PLCL2: variants seen among roughly 807,000 people sequenced by gnomAD.
PLCL2 encodes phospholipase C like 2.
Under a neutral mutation model 79.6 loss-of-function variants are expected in PLCL2, and 4 were observed. The observed-to-expected ratio is 0.05, with a 90% CI of 0.02 to 0.11. The LOEUF (loss-of-function observed/expected upper bound fraction) is 0.11. PLCL2 is among the 10% of genes least tolerant of loss of function. The pLI, the probability that PLCL2 is intolerant of heterozygous loss-of-function variation, is 1.00. For synonymous variants in PLCL2, 484 were observed against 457.7 expected, an observed-to-expected ratio of 1.06 and a Z score of -0.73; for missense variants, 895 against 1,291.0, an observed-to-expected ratio of 0.69 and a Z score of 4.70.
intron 1 of PLCL2, among the ~76,000 whole-genome samples, chr3:16,990,822 A>G (rs1225489287): frequency 1.3e-5 from 2 of 152,224 alleles, no homozygotes; most frequent in African/African-American, 2.4e-5. Flanking sequence ...TGGAAAAAGA[A>G]CATTTAAAAT....
At chr3:17,034,631 T>A (rs997140030) in intron 3 of PLCL2, among the ~76,000 whole-genome samples, 1 of 152,204 alleles carries the variant, frequency 6.6e-6, no homozygotes, top group Non-Finnish European at 1.5e-5. Flanking sequence ...TAAATGTATG[T>A]ATAGTTCACA....
intron 1 of PLCL2, among the ~76,000 whole-genome samples, chr3:16,973,932 T>G (rs2063898600): frequency 2.0e-5 from 3 of 152,124 alleles, no homozygotes; most frequent in Admixed American, 2.0e-4. Flanking sequence ...TGAGAACATA[T>G]AGTAGGAGAG....
At chr3:17,036,587 C>T (rs1300506900) in intron 3 of PLCL2, among the ~76,000 whole-genome samples, 2 of 152,154 alleles carry the variant, frequency 1.3e-5, no homozygotes, top group Non-Finnish European at 2.9e-5. Context: ...GAAAAAAGCA[C>T]CAAAGCTTAC....
chr3:17,026,642 G>A (rs1034304668), intron 3 of PLCL2, among the ~76,000 whole-genome samples: 1 of 152,180 alleles, frequency 6.6e-6, no homozygotes, highest in African/African-American at 2.4e-5. Context: ...TTGGGAGGCC[G>A]AGGCAGACTT....
chr3:16,979,664 C>A (rs180733373), intron 1 of PLCL2, among the ~76,000 whole-genome samples: 4 of 141,214 alleles, frequency 2.8e-5, no homozygotes, highest in Admixed American at 2.8e-4. Flanking sequence ...GTAAGGTCAC[C>A]GATCAACAGG....
At position 16,936,376 on chromosome 3, in the gene PLCL2, T is replaced by C. The variant is rs145998818; in HGVS notation, c.327+51010T>C. On this transcript the variant is annotated intron_variant, in intron 1 of 5. Coordinates refer to ENST00000615277, the MANE Select transcript of PLCL2 (RefSeq NM_001144382.2). ...CCACATTAGCATGACCATGGGCTCCTTATCGAAGCCCTGGTTCCCAGTAAG... is the reference window on the plus strand; with the variant it reads ...CCACATTAGCATGACCATGGGCTCCCTATCGAAGCCCTGGTTCCCAGTAAG... Among the ~76,000 whole-genome samples, 116 of 152,346 alleles carry C rather than the reference T, an allele frequency of 7.6e-4. 1 individual carries two copies. In the East Asian group the frequency reaches 0.018, roughly 24 times the overall value.
chr3:16,947,802 G>T (rs1246190877), intron 1 of PLCL2, among the ~76,000 whole-genome samples: 1 of 152,104 alleles, frequency 6.6e-6, no homozygotes, highest in Non-Finnish European at 1.5e-5. Flanking sequence ...ATTGCTGGTT[G>T]AGAGTATTTC....
chr3:16,909,719 G>A (rs1260031045), intron 1 of PLCL2, among the ~76,000 whole-genome samples: 1 of 152,072 alleles, frequency 6.6e-6, no homozygotes, highest in Non-Finnish European at 1.5e-5. Context: ...TTTCTGTTCA[G>A]CAAAAGCCAG....
At chr3:17,065,352 A>G (rs188211954) in intron 4 of PLCL2, among the ~76,000 whole-genome samples, 116 of 152,198 alleles carry the variant, frequency 7.6e-4, no homozygotes, top group African/African-American at 2.4e-3. Flanking sequence ...CAAGTCCCCA[A>G]TCCTTCTCAA....
chr3:16,890,845 T>C (rs1696329612), intron 1 of PLCL2, among the ~76,000 whole-genome samples: 1 of 152,242 alleles, frequency 6.6e-6, no homozygotes, highest in South Asian at 2.1e-4. Flanking sequence ...CCAGCCACTA[T>C]TCTTTGTATC....
chr3:17,088,261 T>G (rs2065240527), intron 5 of PLCL2, among the ~76,000 whole-genome samples: 1 of 152,154 alleles, frequency 6.6e-6, no homozygotes, highest in African/African-American at 2.4e-5. Context: ...CATTGCTCTC[T>G]GCAGCTGGCC....
In PLCL2 at chr3:16,886,315, T is replaced by C. The variant is rs1404931862; in HGVS notation, c.327+949T>C. 6.6e-6 allele frequency among the ~76,000 whole-genome samples: 1 copy of C among 152,160 alleles called. No homozygotes were observed. Among genetic ancestry groups the C allele is most frequent in the African/African-American group, 2.4e-5 (1 of 41,432 alleles). ...AAATGAAAACATTGCTTTCTGAAAA[T>C]CAAGGAGTTATCAGGACAGGGAGCA... On this transcript the variant is annotated intron_variant, in intron 1 of 5. Transcript: ENST00000615277. This position sits in a 1 kb window ranked among gnomAD's most constrained non-coding sequence, Gnocchi z 4.2.
intron 1 of PLCL2, among the ~76,000 whole-genome samples, chr3:16,928,723 G>A (rs1390601160): frequency 1.3e-5 from 2 of 152,196 alleles, no homozygotes; most frequent in East Asian, 1.9e-4. Context: ...TAATTGTAAA[G>A]CCTACTTCAT....
At chr3:16,974,413 G>A (rs1436021219) in intron 1 of PLCL2, among the ~76,000 whole-genome samples, 1 of 152,140 alleles carries the variant, frequency 6.6e-6, no homozygotes, top group Admixed American at 6.5e-5. Flanking sequence ...AGGAGGTAGT[G>A]TCAATGGAAG....
intron 4 of PLCL2, among the ~76,000 whole-genome samples, chr3:17,057,993 G>A (rs1381778268): frequency 2.0e-5 from 3 of 152,342 alleles, no homozygotes; most frequent in South Asian, 2.1e-4. Context: ...TTGGAGACAG[G>A]CATCTAAGCC....
intron 4 of PLCL2, among the ~76,000 whole-genome samples, chr3:17,045,251 T>C (rs2064768644): frequency 6.6e-6 from 1 of 152,166 alleles, no homozygotes; most frequent in Non-Finnish European, 1.5e-5. Context: ...GAGGATTATT[T>C]TAGATGTATT....
chr3:17,041,819 C>T (rs575147241), intron 3 of PLCL2, among the ~76,000 whole-genome samples: 1 of 152,234 alleles, frequency 6.6e-6, no homozygotes, highest in East Asian at 1.9e-4. Flanking sequence ...TGGCACACAC[C>T]TGTAGTCCCA....
At chr3:17,044,153 A>G (rs1420574185) in intron 4 of PLCL2, 4 of 152,310 alleles carry the variant, frequency 2.6e-5, no homozygotes, top group African/African-American at 9.7e-5. Context: ...GGTACTGACC[A>G]TAATAGCTGT....
intron 3 of PLCL2, among the ~76,000 whole-genome samples, chr3:17,027,337 CAT>C (rs1366358234): frequency 2.6e-5 from 4 of 152,168 alleles, no homozygotes; most frequent in African/African-American, 7.2e-5. Context: ...ATATGAAAGT[CAT>C]ATGAACTTCA....
Sources: allele counts gnomAD v4.1 joint callset (sites outside exome capture counted in the v4.1 genomes callset), GRCh38; gene constraint gnomAD v4.1.1; non-coding constraint Gnocchi (gnomAD v3.1); transcripts MANE v1.5; gene names NCBI Gene and HGNC (gene_info 2026-07-23, HGNC 2026-07-21).